MARS1: variants seen among roughly 807,000 people sequenced by gnomAD.
MARS1 encodes methionyl-tRNA synthetase 1, also known as methionine--tRNA ligase, cytoplasmic.
A neutral mutation model predicts 119.5 loss-of-function variants in MARS1; 80 were observed. The observed-to-expected ratio is 0.67, with a 90% CI of 0.56 to 0.81. MARS1 has a LOEUF of 0.81. Among genes scored for constraint, MARS1 ranks in the 30% least tolerant of loss-of-function variants. The probability of loss-of-function intolerance (pLI) is 0.00; values close to 1 mark genes in which losing one functional copy is unlikely to be tolerated. For missense variants in MARS1, 945 were observed against 1,116.5 expected (o/e 0.85, Z 2.19); for synonymous variants, 418 against 433.4 (o/e 0.96, Z 0.44).
At chr12:57,508,122 T>A (rs933945049) in intron 11 of MARS1, among the ~76,000 whole-genome samples, 4 of 150,866 alleles carry the variant, frequency 2.7e-5, no homozygotes, top group African/African-American at 9.8e-5. Flanking sequence ...GAAGAGGCGC[T>A]CCTCACTTCC....
At position 57,514,856 on chromosome 12, in the gene MARS1, G is replaced by A. The variant is rs1594835672; in HGVS notation, c.2099+5G>A. 2 of 1,613,760 alleles carry A rather than the reference G, an allele frequency of 1.2e-6. No homozygotes were observed. Among genetic ancestry groups the A allele is most frequent in the African/African-American group, 2.7e-5 (2 of 75,034 alleles). ...CCAGCTACTTGAGAAGGTTCGGTAA[G>A]TAACTGACACCTCTGTCTTTTCTGC... On this transcript the variant is annotated splice_donor_5th_base_variant and intron_variant, in intron 16 of 20. Coordinates refer to ENST00000262027, the MANE Select transcript of MARS1 (RefSeq NM_004990.4).
In MARS1 at chr12:57,516,338, G is replaced by A. The variant is rs1877828714; in HGVS notation, c.2556+1G>A. On this transcript the variant is annotated splice_donor_variant, in intron 20 of 20. Coordinates refer to ENST00000262027, the MANE Select transcript of MARS1 (RefSeq NM_004990.4). LOFTEE classifies it high-confidence loss of function. ...GCTGATGGATGAAGTGACAAAACAA[G>A]TATGAAGCTTAAGCCCTGTGGGAGA... 6.2e-7 allele frequency: 1 copy of A among 1,614,158 alleles called. No individual in the cohort carries two copies. Among genetic ancestry groups the A allele is most frequent in the Non-Finnish European group, 8.5e-7 (1 of 1,179,996 alleles).
chr12:57,498,936 A>G (rs1294350671), intron 9 of MARS1, among the ~76,000 whole-genome samples: 1 of 152,104 alleles, frequency 6.6e-6, no homozygotes, highest in Non-Finnish European at 1.5e-5. Context: ...CCACTCCTGT[A>G]TGCATTTATA....
chr12:57,490,647 G>A lies in MARS1; in HGVS notation c.770+3G>A. On this transcript the variant is annotated splice_donor_region_variant and intron_variant, in intron 7 of 20. Coordinates refer to ENST00000262027, the MANE Select transcript of MARS1 (RefSeq NM_004990.4). The stretch of plus-strand genomic sequence containing the variant: ...CTGCGGCCCCAGCAGAATCCAGTGT[G>A]AGTAGACATGGCACATGTGAGTGGG... 6.2e-7 allele frequency: 1 copy of A among 1,613,642 alleles called. No individual in the cohort carries two copies. Among genetic ancestry groups the A allele is most frequent in the South Asian group, 1.1e-5 (1 of 91,054 alleles).
chr12:57,488,419 T>A (rs1236747527), intron 1 of MARS1: 1 of 776,578 alleles, frequency 1.3e-6, no homozygotes. Flanking sequence ...ATCTCTCTCC[T>A]CCCCTCTTCC....
intron 2 of MARS1, 27 bp from the exon 3 acceptor site, chr12:57,489,240 A>T (rs779818029): frequency 3.7e-5 from 59 of 1,612,510 alleles, no homozygotes; most frequent in Non-Finnish European, 4.9e-5. Flanking sequence ...CTCTAAGTCC[A>T]TCATCTGTTG....
At chr12:57,498,766 C>G in intron 9 of MARS1, 143 bp downstream of exon 9, 3 of 754,784 alleles carry the variant, frequency 4.0e-6, no homozygotes, top group Non-Finnish European at 6.7e-6. Flanking sequence ...GGCAGTTATC[C>G]AGGCATTTTT....
Position 57,489,991 on chromosome 12 carries a change from C to T in MARS1, c.490+20C>T, listed in dbSNP as rs78617675. 8.6e-4 allele frequency: 1,388 copies of T among 1,609,822 alleles called. 40 individuals are homozygous for T. In the East Asian group the frequency reaches 0.03, roughly 35 times the overall value. On this transcript the variant is annotated intron_variant, in intron 5 of 20. Transcript: ENST00000262027. ...TCCCTGGTGAGAACTGTGCATATCA[C>T]TCCAACCCTAGGAGCTTGGTGTAGG...
chr12:57,516,036 C>T (rs754868781), intron 19 of MARS1, 45 bp downstream of exon 19: 2 of 1,576,802 alleles, frequency 1.3e-6, no homozygotes, highest in South Asian at 1.1e-5. Flanking sequence ...ACAGCCACAG[C>T]ATCACTTCCC....
rs573354533 is a variant in MARS1 at position 57,503,614 on chromosome 12, G to C, written c.1294-611G>C. Among the ~76,000 whole-genome samples the C allele has an allele frequency of 7.3e-5, 11 of 150,122 alleles. No individual in the cohort carries two copies. The South Asian group carries it at 2.3e-3, about 32-fold the overall frequency. On this transcript the variant is annotated intron_variant, in intron 10 of 20. Transcript: ENST00000262027. ...GCCTGGCGTGCGGTGGCATGATCTT[G>C]GCTCACTGCAACCTCTGCCTCTCAG...
chr12:57,508,699 A>AGGTAGAGGTAGAGGGTAGAG (rs71280717), intron 11 of MARS1, among the ~76,000 whole-genome samples: 89,189 of 145,558 alleles, frequency 0.61, 27,581 homozygotes, highest in South Asian at 0.72. Context: ...GTAGAGGTAG[A>AGGTAGAGGTAGAGGGTAGAG]GGTAGAGGGT....
chr12:57,493,310 T>C (rs1253358291), intron 7 of MARS1, among the ~76,000 whole-genome samples: 3 of 105,042 alleles, frequency 2.9e-5, no homozygotes, highest in South Asian at 2.5e-4. Context: ...ATATAATATA[T>C]ATTATATAAT....
At chr12:57,500,934 A>G (rs1245887389) in intron 10 of MARS1, among the ~76,000 whole-genome samples, 2 of 152,248 alleles carry the variant, frequency 1.3e-5, no homozygotes, top group East Asian at 3.8e-4. Context: ...ATGGCAATGA[A>G]TAAGACAGAT....
intron 9 of MARS1, among the ~76,000 whole-genome samples, chr12:57,499,250 C>CT (rs889089391): frequency 2.8e-5 from 4 of 141,190 alleles, no homozygotes; most frequent in African/African-American, 1.1e-4. Flanking sequence ...TGCCATTGTA[C>CT]TCCAGCCTGG....
At chr12:57,509,265 A>T (rs1408242084) in intron 11 of MARS1, among the ~76,000 whole-genome samples, 2 of 152,198 alleles carry the variant, frequency 1.3e-5, no homozygotes, top group African/African-American at 4.8e-5. Context: ...TCAGCCTTGA[A>T]ATCAACCATG....
intron 11 of MARS1, 80 bp downstream of exon 11, chr12:57,504,379 G>A: frequency 9.1e-7 from 1 of 1,095,548 alleles, no homozygotes; most frequent in Non-Finnish European, 1.4e-6. Flanking sequence ...ACTGAGAGCA[G>A]ATTACTCTTA....
In MARS1 at chr12:57,493,443, TA is replaced by T. The variant is rs1876150435; in HGVS notation, c.770+2801del. Among the ~76,000 whole-genome samples the T allele has an allele frequency of 1.7e-3, 5 of 3,006 alleles. 1 individual carries two copies. The highest frequency in any genetic ancestry group is 0.014 in the Admixed American group (1 of 74). The allele number at this position is 3,006 out of a possible 152,430, so 2.0% of individuals were successfully genotyped here. A position where few individuals can be genotyped will look rare whatever the true frequency, so the allele number is the denominator to read the frequency against. On this transcript the variant is annotated intron_variant, in intron 7 of 20. Coordinates refer to ENST00000262027, the MANE Select transcript of MARS1 (RefSeq NM_004990.4). ...TATATGATATGTATAATATATTACA[TA>T]ATATATAATATATTATAATATATAA...
intron 11 of MARS1, among the ~76,000 whole-genome samples, chr12:57,508,455 T>A (rs963969129): frequency 6.6e-6 from 1 of 152,174 alleles, no homozygotes; most frequent in African/African-American, 2.4e-5. Context: ...GGTTAGGAGC[T>A]GGAGACCAGC....
At chr12:57,508,678 G>GACAGGT (rs1565648945) in intron 11 of MARS1, among the ~76,000 whole-genome samples, 2 of 145,346 alleles carry the variant, frequency 1.4e-5, no homozygotes, top group African/African-American at 5.1e-5. Context: ...AGACCGTGGG[G>GACAGGT]AGAGGTAGAG....
Sources: allele counts gnomAD v4.1 joint callset (sites outside exome capture counted in the v4.1 genomes callset), GRCh38; gene constraint gnomAD v4.1.1; transcripts MANE v1.5; gene names NCBI Gene and HGNC (gene_info 2026-07-23, HGNC 2026-07-21).